The following MED27 variants were observed in gnomAD, a reference collection of about 807,000 sequenced individuals.
MED27 encodes the protein mediator complex subunit 27.
Under a neutral mutation model 38.2 loss-of-function variants are expected in MED27, and 30 were observed. The ratio of observed to expected loss-of-function variants is 0.79; its 90% CI spans 0.59 to 1.07. The LOEUF (loss-of-function observed/expected upper bound fraction) is 1.07. MED27 is among the 50% of genes least tolerant of loss of function. The pLI, the probability that MED27 is intolerant of heterozygous loss-of-function variation, is 0.00. For missense variants in MED27, 289 were observed against 397.5 expected (o/e 0.73, Z 2.32); for synonymous variants, 122 against 153.5 (o/e 0.79, Z 1.52).
rs66519112 is a variant in MED27 at position 131,986,999 on chromosome 9, A to ATTTTTT, written c.479+27332_479+27337dup. ...CATGGGCCTTTCCTTGAGTTCATGG[A>ATTTTTT]TTTTTTTTTTTTTTTTTTTTTTTTT... On this transcript the variant is annotated intron_variant, in intron 3 of 7. Coordinates refer to ENST00000292035, the MANE Select transcript of MED27 (RefSeq NM_004269.4). Among the ~76,000 whole-genome samples the ATTTTTT allele has an allele frequency of 8.6e-4, 40 of 46,254 alleles. 3 individuals are homozygous for ATTTTTT. The highest frequency in any genetic ancestry group is 2.2e-3 in the African/African-American group (25 of 11,532). The allele number at this position is 46,254 out of a possible 152,430, so 30.3% of individuals were successfully genotyped here.
chr9:132,000,958 G>A (rs1832217830), intron 3 of MED27, among the ~76,000 whole-genome samples: 1 of 151,960 alleles, frequency 6.6e-6, no homozygotes, highest in African/African-American at 2.4e-5. Flanking sequence ...AAATTAGTCA[G>A]GTGTGGTGAC....
At chr9:132,016,834 C>T (rs1202849523) in intron 2 of MED27, among the ~76,000 whole-genome samples, 1 of 152,162 alleles carries the variant, frequency 6.6e-6, no homozygotes, top group Non-Finnish European at 1.5e-5. Flanking sequence ...TCATTTTGAT[C>T]ATTTGCTCAA....
intron 3 of MED27, among the ~76,000 whole-genome samples, chr9:132,006,545 C>T (rs1177441001): frequency 6.6e-6 from 1 of 151,974 alleles, no homozygotes; most frequent in East Asian, 1.9e-4. Flanking sequence ...AAATCAAGTC[C>T]CTGCAAGGAC....
intron 3 of MED27, among the ~76,000 whole-genome samples, chr9:131,977,451 G>A (rs531916869): frequency 2.0e-5 from 3 of 152,094 alleles, no homozygotes; most frequent in Non-Finnish European, 2.9e-5. Context: ...AGGAGTGTCC[G>A]ACTCCTTGAA....
intron 3 of MED27, among the ~76,000 whole-genome samples, chr9:131,951,137 CT>C (rs1345474581): frequency 6.6e-6 from 1 of 152,214 alleles, no homozygotes; most frequent in African/African-American, 2.4e-5. Context: ...ATTTTCCCAC[CT>C]CAGGACTCAT....
At chr9:132,014,503 T>C (rs529494624) in intron 2 of MED27, 36 bp from the exon 3 acceptor site, 34 of 1,602,560 alleles carry the variant, frequency 2.1e-5, no homozygotes, top group Middle Eastern at 3.3e-4. Flanking sequence ...GGAAGAAAAA[T>C]AGCATTTGGT....
At chr9:131,943,157 C>A (rs1406080958) in intron 3 of MED27, among the ~76,000 whole-genome samples, 1 of 152,146 alleles carries the variant, frequency 6.6e-6, no homozygotes, top group African/African-American at 2.4e-5. Flanking sequence ...CTACAGGTGA[C>A]ATTATGTATT....
At chr9:132,072,281 C>T (rs1158141178) in intron 2 of MED27, among the ~76,000 whole-genome samples, 1 of 151,754 alleles carries the variant, frequency 6.6e-6, no homozygotes, top group Non-Finnish European at 1.5e-5. Flanking sequence ...CCCTATGATC[C>T]AAATACTAGT....
At chr9:131,978,864 G>C (rs1266236764) in intron 3 of MED27, among the ~76,000 whole-genome samples, 1 of 152,200 alleles carries the variant, frequency 6.6e-6, no homozygotes, top group African/African-American at 2.4e-5. Context: ...AATTGTGTAT[G>C]TACAGAACTT....
chr9:131,986,690 T>C (rs1453616823), intron 3 of MED27, among the ~76,000 whole-genome samples: 1 of 152,184 alleles, frequency 6.6e-6, no homozygotes, highest in East Asian at 1.9e-4. Flanking sequence ...TTTGTAAATA[T>C]ATGTTTGCAC....
chr9:131,863,062 C>T lies in MED27; in HGVS notation c.801+1G>A, dbSNP rs758060274. The T allele has an allele frequency of 6.2e-7, 1 of 1,613,990 alleles. No homozygotes were observed. The highest frequency in any genetic ancestry group is 1.1e-5 in the South Asian group (1 of 91,078). On this transcript the variant is annotated splice_donor_variant, in intron 7 of 7. Transcript: ENST00000292035. LOFTEE classifies it high-confidence loss of function. ...GAGACCTGACTCTTGAAGCCACTTA[C>T]CATGAAGGATCGGACCACGACATCC...
At chr9:132,043,580 C>T (rs1010950561) in intron 2 of MED27, among the ~76,000 whole-genome samples, 2 of 152,032 alleles carry the variant, frequency 1.3e-5, no homozygotes, top group African/African-American at 4.8e-5. Flanking sequence ...AAAAACCCTT[C>T]TAATTCCACT....
chr9:131,939,130 A>C (rs1830737442), intron 4 of MED27, among the ~76,000 whole-genome samples: 1 of 152,216 alleles, frequency 6.6e-6, no homozygotes, highest in African/African-American at 2.4e-5. Flanking sequence ...AAGTGACTTA[A>C]GGTGAAATGG....
chr9:131,860,373 G>A lies in MED27; in HGVS notation c.*165C>T. 1 of 717,794 alleles carries A rather than the reference G, an allele frequency of 1.4e-6. No individual in the cohort carries two copies. The highest frequency in any genetic ancestry group is 2.1e-6 in the Non-Finnish European group (1 of 476,200). The allele number at this position is 717,794 out of a possible 1,614,324, so 44.5% of individuals were successfully genotyped here. A position where few individuals can be genotyped will look rare whatever the true frequency, so the allele number is the denominator to read the frequency against. On this transcript the variant is annotated 3_prime_UTR_variant, in exon 8 of 8. Transcript: ENST00000292035. This position sits in a 1 kb window ranked among gnomAD's most constrained non-coding sequence, Gnocchi z 5.8. ...TAATTAGTCCCATCAGCCACAGAGG[G>A]AGTCTGCTCTTCAAGAGTGGCCTCT... is the stretch of plus-strand genomic sequence containing the variant.
chr9:131,884,336 T>G (rs1426236107), intron 5 of MED27, among the ~76,000 whole-genome samples: 1 of 152,222 alleles, frequency 6.6e-6, no homozygotes, highest in Non-Finnish European at 1.5e-5. Flanking sequence ...TTGAGGCACC[T>G]GCTGCTTCCA....
intron 6 of MED27, among the ~76,000 whole-genome samples, chr9:131,865,218 G>A (rs913123603): frequency 4.6e-5 from 7 of 152,266 alleles, no homozygotes; most frequent in African/African-American, 9.6e-5. Flanking sequence ...TTATTCCTTC[G>A]AATGCCAAGA....
At chr9:131,876,321 G>A (rs1465847938) in intron 6 of MED27, among the ~76,000 whole-genome samples, 1 of 152,142 alleles carries the variant, frequency 6.6e-6, no homozygotes, top group Non-Finnish European at 1.5e-5. Context: ...CCACTTCCAG[G>A]GCAACGCAGC....
chr9:131,962,201 A>G (rs1230643552), intron 3 of MED27, among the ~76,000 whole-genome samples: 1 of 152,120 alleles, frequency 6.6e-6, no homozygotes, highest in African/African-American at 2.4e-5. Flanking sequence ...GATTTAAGAT[A>G]CTCTTACAGC....
At chr9:131,886,788 T>A (rs1413273388) in intron 5 of MED27, among the ~76,000 whole-genome samples, 1 of 152,234 alleles carries the variant, frequency 6.6e-6, no homozygotes, top group African/African-American at 2.4e-5. Flanking sequence ...TCGTATTACT[T>A]TCTCAGTGCC....
Sources: gnomAD v4.1 joint callset for allele counts (sites outside exome capture counted in the v4.1 genomes callset) on GRCh38, gnomAD v4.1.1 for gene constraint, Gnocchi (gnomAD v3.1) non-coding constraint, MANE v1.5 for transcripts, NCBI Gene and HGNC (gene_info 2026-07-23, HGNC 2026-07-21) for gene names.